MAP4: variants seen among roughly 807,000 people sequenced by gnomAD.
The protein encoded by MAP4 is microtubule associated protein 4, also known as microtubule-associated protein 4.
MAP4 carries 76 observed loss-of-function variants against 170.2 expected under a neutral mutation model. That is an observed-to-expected ratio of 0.45 (90% CI 0.37 to 0.54). MAP4 has a LOEUF of 0.54. Ranked by LOEUF, MAP4 falls within the 20% of genes least tolerant of loss-of-function variation. MAP4 has a pLI of 0.00. For missense variants in MAP4, 2,506 were observed against 2,748.0 expected (o/e 0.91, Z 1.97); for synonymous variants, 909 against 994.5 (o/e 0.91, Z 1.62).
intron 10 of MAP4, among the ~76,000 whole-genome samples, chr3:47,889,889 C>T (rs1015909678): frequency 6.0e-5 from 9 of 150,328 alleles, no homozygotes; most frequent in Admixed American, 1.3e-4. Context: ...CATAAAAAAA[C>T]GTGTTTTTTA....
chr3:48,060,769 A>G (rs914198993), intron 1 of MAP4, among the ~76,000 whole-genome samples: 3 of 152,068 alleles, frequency 2.0e-5, no homozygotes, highest in Non-Finnish European at 2.9e-5. Context: ...AAATAATAAT[A>G]ATACAAAAAA....
chr3:47,945,128 G>C (rs1458878249), intron 3 of MAP4, among the ~76,000 whole-genome samples: 1 of 151,758 alleles, frequency 6.6e-6, no homozygotes, highest in Non-Finnish European at 1.5e-5. Flanking sequence ...TGAGGCGGGT[G>C]AATCACCTGA....
intron 1 of MAP4, among the ~76,000 whole-genome samples, chr3:48,059,165 A>G (rs2100133825): frequency 1.3e-5 from 2 of 152,210 alleles, no homozygotes; most frequent in South Asian, 2.1e-4. Context: ...TTGTGATTGA[A>G]TAATTCAAGT....
intron 1 of MAP4, among the ~76,000 whole-genome samples, chr3:48,032,291 T>G (rs1454430785): frequency 6.6e-6 from 1 of 152,030 alleles, no homozygotes; most frequent in African/African-American, 2.4e-5. Context: ...GGTCAGGAGT[T>G]CGCGAGCGGC....
chr3:47,957,432 A>G (rs1229728077), intron 3 of MAP4, among the ~76,000 whole-genome samples: 1 of 152,134 alleles, frequency 6.6e-6, no homozygotes, highest in Non-Finnish European at 1.5e-5. Flanking sequence ...CAGCCTCCCA[A>G]AGTGCTGGGA....
chr3:47,852,636 G>T lies in MAP4; in HGVS notation c.*298C>A. On this transcript the variant is annotated 3_prime_UTR_variant, in exon 21 of 21. Coordinates refer to ENST00000683076, the MANE Select transcript of MAP4 (RefSeq NM_001385682.1). ...CTCCCAACCTCCTCCACGGAGCAGT[G>T]GCGCAGTGATGGGGCAAGACCAAAG... 2 of 1,041,822 alleles carry T rather than the reference G, an allele frequency of 1.9e-6. No individual in the cohort carries two copies. The highest frequency in any genetic ancestry group is 2.7e-6 in the Non-Finnish European group (2 of 740,104). The allele number at this position is 1,041,822 out of a possible 1,614,324, so 64.5% of individuals were successfully genotyped here. A position where few individuals can be genotyped will look rare whatever the true frequency, so the allele number is the denominator to read the frequency against.
intron 17 of MAP4, among the ~76,000 whole-genome samples, chr3:47,864,757 CTCGGGAAGCT>C (rs1329218652): frequency 6.6e-6 from 1 of 152,200 alleles, no homozygotes. Flanking sequence ...ATCCCAGCTA[CTCGGGAAGCT>C]GACGAAGGAG....
intron 4 of MAP4, among the ~76,000 whole-genome samples, chr3:47,924,812 C>T (rs899685369): frequency 6.1e-5 from 8 of 131,912 alleles, no homozygotes; most frequent in African/African-American, 2.3e-4. Flanking sequence ...ATGGAAGCTA[C>T]GATATTTTTT....
chr3:48,002,244 AAAGAAAAAAAAAAG>A (rs2100099583), intron 1 of MAP4, among the ~76,000 whole-genome samples: 2 of 142,198 alleles, frequency 1.4e-5, no homozygotes, highest in South Asian at 4.4e-4. Context: ...CTAGTCTCAA[AAAGAAAAAAAAAAG>A]AAAAAAAAAA....
Position 47,869,316 on chromosome 3 carries a change from C to G in MAP4, c.6306G>C (p.Glu2102Asp), listed in dbSNP as rs773359973. The G allele has an allele frequency of 3.7e-6, 6 of 1,612,854 alleles. No homozygotes were observed. In the South Asian group the frequency reaches 6.6e-5, roughly 18 times the overall value. ...TTGTAGCAGCTGCCTCTGTTTTTTTCTCTACTTTGGCCTGGATGGAGATAA... is the reference window on the plus strand; with the variant it reads ...TTGTAGCAGCTGCCTCTGTTTTTTTGTCTACTTTGGCCTGGATGGAGATAA... ...HQPGGGRAKV[E>D]KKTEAAATTR... Residue 2102 changes from glutamate (E) to aspartate (D), a missense_variant, in exon 16 of 21, where the codon GAG (glutamate) becomes GAC (aspartate). Physicochemically the swap from Glu to Asp is conservative, Grantham distance 45 (BLOSUM62 2). Coordinates refer to ENST00000683076, the MANE Select transcript of MAP4 (RefSeq NM_001385682.1).
chr3:48,028,880 G>T (rs576348473), intron 1 of MAP4, among the ~76,000 whole-genome samples: 1 of 152,136 alleles, frequency 6.6e-6, no homozygotes, highest in Admixed American at 6.5e-5. Flanking sequence ...CCGTGGCAAA[G>T]GTCTGTAATC....
intron 17 of MAP4, among the ~76,000 whole-genome samples, chr3:47,864,125 A>G (rs1188692259): frequency 1.3e-5 from 2 of 152,048 alleles, no homozygotes; most frequent in Admixed American, 6.6e-5. Context: ...CCACAGGCAC[A>G]TGCCACCTAA....
chr3:48,052,426 C>T (rs1428017886), intron 1 of MAP4, among the ~76,000 whole-genome samples: 3 of 152,030 alleles, frequency 2.0e-5, no homozygotes, highest in Non-Finnish European at 2.9e-5. Context: ...TTCGCTATAT[C>T]GGTCGGGCTG....
chr3:47,972,119 C>T (rs1407678512), intron 3 of MAP4, among the ~76,000 whole-genome samples: 1 of 152,088 alleles, frequency 6.6e-6, no homozygotes, highest in Non-Finnish European at 1.5e-5. Flanking sequence ...TTAAAAAGTT[C>T]CTTATGCTAT....
intron 3 of MAP4, among the ~76,000 whole-genome samples, chr3:47,963,119 T>C (rs2100072678): frequency 6.6e-6 from 1 of 152,224 alleles, no homozygotes; most frequent in East Asian, 1.9e-4. Flanking sequence ...ACCTCCAGTT[T>C]TGTCCTCTAG....
intron 3 of MAP4, among the ~76,000 whole-genome samples, chr3:47,961,853 T>C (rs1035346227): frequency 3.9e-5 from 6 of 152,304 alleles, no homozygotes; most frequent in Non-Finnish European, 5.9e-5. Flanking sequence ...TTGCTGGTGA[T>C]GCCGCAGCAC....
At chr3:48,041,191 A>T (rs1368223882) in intron 1 of MAP4, among the ~76,000 whole-genome samples, 1 of 152,216 alleles carries the variant, frequency 6.6e-6, no homozygotes, top group East Asian at 1.9e-4. Context: ...GGCTCACTGC[A>T]ACCTCCGCCT....
chr3:48,026,561 A>T (rs2100113220), intron 1 of MAP4, among the ~76,000 whole-genome samples: 1 of 152,202 alleles, frequency 6.6e-6, no homozygotes, highest in African/African-American at 2.4e-5. Context: ...CTTGTCTTTA[A>T]GATTTTTCTA....
rs1413839087 is a variant in MAP4 at position 47,911,553 on chromosome 3, A to G, written c.2868T>C (p.Val956=). 1.3e-6 allele frequency: 2 copies of G among 1,535,986 alleles called. No homozygotes were observed. Among genetic ancestry groups the G allele is most frequent in the Non-Finnish European group, 8.7e-7 (1 of 1,146,906 alleles). Residue 956 remains valine (V), a synonymous_variant, in exon 9 of 21, where the codon GTT becomes GTC. Transcript: ENST00000683076. This position sits in a 1 kb window ranked among gnomAD's most constrained non-coding sequence, Gnocchi z 4.0. ...EGCSPFLDQE[V]MGVVSKPTAA... is the part of the protein sequence containing the mutation. ...CTGTGGGTTTTGAAACTACACCCAT[A>G]ACCTCTTGGTCCAAGAAAGGAGAGC...
Sources: allele counts gnomAD v4.1 joint callset (sites outside exome capture counted in the v4.1 genomes callset), GRCh38; gene constraint gnomAD v4.1.1; non-coding constraint Gnocchi (gnomAD v3.1); transcripts MANE v1.5; gene names NCBI Gene and HGNC (gene_info 2026-07-23, HGNC 2026-07-21).